Variants in TXLNB observed in about 807,000 individuals in gnomAD.
TXLNB encodes beta-taxilin.
TXLNB carries 37 observed loss-of-function variants against 57.4 expected under a neutral mutation model. That is an observed-to-expected ratio of 0.64 (90% CI 0.50 to 0.85). The LOEUF is 0.85. TXLNB is among the 40% of genes least tolerant of loss of function. The pLI is 0.00. For missense variants in TXLNB, 848 were observed against 825.6 expected, an observed-to-expected ratio of 1.03 and a Z score of -0.33; for synonymous variants, 302 against 309.6, an observed-to-expected ratio of 0.98 and a Z score of 0.26.
chr6:139,317,179 T>C, the TXLNB span, among the ~76,000 whole-genome samples: 1 of 152,288 alleles, frequency 6.6e-6, no homozygotes, highest in East Asian at 1.9e-4. Flanking sequence ...TTTTAGTTAG[T>C]TCAGTCACTG....
chr6:139,187,072 CTT>C, the TXLNB span, among the ~76,000 whole-genome samples: 1 of 152,168 alleles, frequency 6.6e-6, no homozygotes, highest in African/African-American at 2.4e-5. Flanking sequence ...ATCTGTCAAA[CTT>C]ATTAAATTGT....
At chr6:139,206,583 G>A in the TXLNB span, among the ~76,000 whole-genome samples, 4 of 151,950 alleles carry the variant, frequency 2.6e-5, no homozygotes, top group South Asian at 2.1e-4. Context: ...CAGGAGAATC[G>A]CTTCAACCCA....
the TXLNB span, among the ~76,000 whole-genome samples, chr6:139,191,291 G>T: frequency 6.6e-6 from 1 of 152,140 alleles, no homozygotes; most frequent in African/African-American, 2.4e-5. Flanking sequence ...GGTGGCACAT[G>T]CCTGTAATCC....
At chr6:139,229,043 G>A in the TXLNB span, among the ~76,000 whole-genome samples, 1 of 152,164 alleles carries the variant, frequency 6.6e-6, no homozygotes, top group Non-Finnish European at 1.5e-5. Context: ...CCAGGACAAA[G>A]TATTTTTTCC....
intron 4 of TXLNB, among the ~76,000 whole-genome samples, chr6:139,265,159 C>T (rs1776584053): frequency 6.6e-6 from 1 of 152,124 alleles, no homozygotes. Flanking sequence ...AATTTATGTA[C>T]AGACATATGA....
upstream of TXLNB, among the ~76,000 whole-genome samples, chr6:139,296,203 C>T (rs1475015913): frequency 6.6e-6 from 1 of 152,154 alleles, no homozygotes; most frequent in Non-Finnish European, 1.5e-5. Context: ...AACATATCCT[C>T]TAGTGGCTTC....
chr6:139,317,281 A>G, the TXLNB span, among the ~76,000 whole-genome samples: 1 of 152,230 alleles, frequency 6.6e-6, no homozygotes. Flanking sequence ...AACTCATCAT[A>G]CACAATGATT....
At chr6:139,281,449 G>T (rs1394183657) in intron 2 of TXLNB, among the ~76,000 whole-genome samples, 1 of 150,438 alleles carries the variant, frequency 6.6e-6, no homozygotes, top group Non-Finnish European at 1.5e-5. Context: ...CCCTTTGGCT[G>T]ACATTTTCTA....
the TXLNB span, among the ~76,000 whole-genome samples, chr6:139,214,105 G>A: frequency 1.3e-5 from 2 of 152,076 alleles, no homozygotes; most frequent in Non-Finnish European, 2.9e-5. Context: ...AGAAAAAGAG[G>A]GAATCCTCCC....
At chr6:139,302,169 A>C in the TXLNB span, among the ~76,000 whole-genome samples, 1 of 152,168 alleles carries the variant, frequency 6.6e-6, no homozygotes, top group Non-Finnish European at 1.5e-5. Flanking sequence ...ATAAAGTTGA[A>C]TATCATATGA....
the TXLNB span, among the ~76,000 whole-genome samples, chr6:139,199,015 C>T: frequency 6.6e-6 from 1 of 150,656 alleles, no homozygotes; most frequent in African/African-American, 2.4e-5. Context: ...GTCAATGTGC[C>T]ATCTCTTTCA....
chr6:139,197,808 C>G, the TXLNB span: 1 of 152,196 alleles, frequency 6.6e-6, no homozygotes, highest in African/African-American at 2.4e-5. Context: ...AAGCCATTCT[C>G]TTTTTCCAAG....
At chr6:139,202,336 T>G in the TXLNB span, among the ~76,000 whole-genome samples, 3 of 144,746 alleles carry the variant, frequency 2.1e-5, no homozygotes, top group African/African-American at 7.6e-5. Context: ...ATTTCAAACT[T>G]CAATCATTTG....
At chr6:139,161,702 A>G in the TXLNB span, among the ~76,000 whole-genome samples, 612 of 152,360 alleles carry the variant, frequency 4.0e-3, 2 homozygotes, top group Middle Eastern at 0.014. Context: ...CAGTTGGAAT[A>G]TTGTGAATGC....
chr6:139,258,774 C>T (rs760244952), intron 6 of TXLNB, among the ~76,000 whole-genome samples: 3 of 152,170 alleles, frequency 2.0e-5, no homozygotes, highest in Non-Finnish European at 2.9e-5. Flanking sequence ...CTGAAACACA[C>T]GTCTGAGTGT....
chr6:139,227,028 A>T, the TXLNB span, among the ~76,000 whole-genome samples: 2 of 151,870 alleles, frequency 1.3e-5, no homozygotes, highest in Admixed American at 6.6e-5. Context: ...CTCTGTTTCA[A>T]AACAAAACAA....
chr6:139,226,397 T>G, the TXLNB span, among the ~76,000 whole-genome samples: 434 of 147,804 alleles, frequency 2.9e-3, no homozygotes, highest in African/African-American at 9.8e-3. Context: ...AGCACAAAGA[T>G]GACAAAAACA....
chr6:139,224,575 C>T, the TXLNB span, among the ~76,000 whole-genome samples: 1 of 151,680 alleles, frequency 6.6e-6, no homozygotes, highest in African/African-American at 2.4e-5. Context: ...GAAAATACTG[C>T]AGATATTACA....
the TXLNB span, among the ~76,000 whole-genome samples, chr6:139,300,365 C>T: frequency 1.4e-4 from 21 of 152,276 alleles, no homozygotes; most frequent in South Asian, 4.1e-4. Context: ...AACCTGGGAA[C>T]AGCAGAGATG....
Sources: gnomAD v4.1 joint callset for allele counts (sites outside exome capture counted in the v4.1 genomes callset) on GRCh38, gnomAD v4.1.1 for gene constraint, MANE v1.5 for transcripts, NCBI Gene and HGNC (gene_info 2026-07-23, HGNC 2026-07-21) for gene names.